Variants in LRRTM1 observed in about 807,000 individuals in gnomAD.
LRRTM1 encodes the protein leucine rich repeat transmembrane neuronal 1, also known as leucine-rich repeat transmembrane neuronal protein 1.
LRRTM1 carries 8 observed loss-of-function variants against 37.3 expected under a neutral mutation model. The observed-to-expected ratio is 0.21, with a 90% CI of 0.13 to 0.39. The LOEUF (loss-of-function observed/expected upper bound fraction) is 0.39, where lower values mean the gene tolerates loss of function less well. Ranked by LOEUF, LRRTM1 falls within the 10% of genes least tolerant of loss-of-function variation. LRRTM1 has a pLI of 1.00. For synonymous variants in LRRTM1, 326 were observed against 316.8 expected, an observed-to-expected ratio of 1.03 and a Z score of -0.31; for missense variants, 557 against 691.0, an observed-to-expected ratio of 0.81 and a Z score of 2.17.
Position 80,303,897 on chromosome 2 carries a change from C to A in LRRTM1, c.-59-19G>T. The A allele has an allele frequency of 1.4e-6, 2 of 1,410,810 alleles. No individual in the cohort carries two copies. Among genetic ancestry groups the A allele is most frequent in the South Asian group, 2.0e-5 (1 of 50,050 alleles). 87.4% of individuals were successfully genotyped at this position (1,410,810 alleles called of 1,614,324 possible). A position where few individuals can be genotyped will look rare whatever the true frequency, so the allele number is the denominator to read the frequency against. ...CAGAAATCTACATCATATTTTATTCCGAGGGAGGGGAAGCGGGGGAGGGGG... is the reference window on the plus strand; with the variant it reads ...CAGAAATCTACATCATATTTTATTCAGAGGGAGGGGAAGCGGGGGAGGGGG... On this transcript the variant is annotated intron_variant, in intron 1 of 1. Transcript: ENST00000295057. This position sits in a 1 kb window ranked among gnomAD's most constrained non-coding sequence, Gnocchi z 7.7.
At position 80,290,408 on chromosome 2, in the gene LRRTM1, G is replaced by A. The variant is rs993441643; in HGVS notation, c.*307-1213C>T. Among the ~76,000 whole-genome samples the A allele has an allele frequency of 3.9e-5, 6 of 152,016 alleles. No homozygotes were observed. In the Middle Eastern group the frequency reaches 0.01, roughly 259 times the overall value. On this transcript the variant is annotated intron_variant and NMD_transcript_variant, in intron 2 of 2. Transcript: ENST00000417012. ...TCTCATTTCTTCCCCAGTGATTACCGTGGGTAAGAAAAAAAACAGCAGAAA... is the reference window on the plus strand; with the variant it reads ...TCTCATTTCTTCCCCAGTGATTACCATGGGTAAGAAAAAAAACAGCAGAAA...
chr2:80,298,064 T>C (rs987234641), downstream of LRRTM1: 12 of 146,412 alleles, frequency 8.2e-5, no homozygotes, highest in African/African-American at 2.5e-4. Flanking sequence ...CACACACACA[T>C]GTGTGCATAT....
chr2:80,302,169 A>G lies in LRRTM1; in HGVS notation c.*82T>C, dbSNP rs1362665485. 3 of 1,523,478 alleles carry G rather than the reference A, an allele frequency of 2.0e-6. No individual in the cohort carries two copies. Among genetic ancestry groups the G allele is most frequent in the Non-Finnish European group, 1.8e-6 (2 of 1,132,368 alleles). 94.4% of individuals were successfully genotyped at this position (1,523,478 alleles called of 1,614,324 possible). ...GGAGCATATCAGAGCACAGACAAGG[A>G]GACCCCAGCCTGGTGCCCGCCGGCC... On this transcript the variant is annotated 3_prime_UTR_variant, in exon 2 of 2. Coordinates refer to ENST00000295057, the MANE Select transcript of LRRTM1 (RefSeq NM_178839.5). The surrounding 1 kb of genome is among the most constrained non-coding windows in gnomAD (Gnocchi z 6.4).
chr2:80,297,149 G>A (rs931611984), downstream of LRRTM1, among the ~76,000 whole-genome samples: 2 of 152,186 alleles, frequency 1.3e-5, no homozygotes, highest in African/African-American at 4.8e-5. Flanking sequence ...AGAATTCCTG[G>A]ATTTCACCAC....
downstream of LRRTM1, chr2:80,299,651 A>G (rs1421426641): frequency 2.6e-5 from 4 of 152,364 alleles, no homozygotes; most frequent in East Asian, 1.9e-4. Context: ...GGAGTAGCAT[A>G]AAACAAAGCA....
At chr2:80,295,649 T>G (rs551444065) in intron 2 of LRRTM1, among the ~76,000 whole-genome samples, 5 of 152,346 alleles carry the variant, frequency 3.3e-5, no homozygotes, top group African/African-American at 9.6e-5. Flanking sequence ...AGGGAATACC[T>G]AGAAGAATCC....
chr2:80,294,238 T>C lies in LRRTM1; in HGVS notation c.*307-5043A>G, dbSNP rs372695095. Among the ~76,000 whole-genome samples the C allele has an allele frequency of 5.8e-4, 88 of 152,350 alleles. 3 individuals are homozygous for C. The highest frequency in any genetic ancestry group is 2.0e-3 in the African/African-American group (84 of 41,572). On this transcript the variant is annotated intron_variant and NMD_transcript_variant, in intron 2 of 2. Coordinates refer to the LRRTM1 transcript ENST00000417012. ...TTGCCTTAAAAATGGGACAAGTTTA[T>C]GTCTGCCTTGTGAAATTATTGGGAG...
chr2:80,303,551 T>C lies in LRRTM1; in HGVS notation c.269A>G (p.Gln90Arg). The change falls in exon 2 of 2, where the codon CAG becomes CGG. Residue 90 changes from glutamine (Q) to arginine (R), a missense_variant. By Grantham distance (43) the Gln-to-Arg change is conservative (BLOSUM62 1). Transcript: ENST00000295057. This position sits in a 1 kb window ranked among gnomAD's most constrained non-coding sequence, Gnocchi z 7.7. ...GTGATCCAGATAGAGCCACGTGAGC[T>C]GCATTAACCCCGTGAACTGGCCGGC... Reference protein sequence around the residue: ...LRAGQFTGLMQLTWLYLDHNH... With the variant: ...LRAGQFTGLMRLTWLYLDHNH... 1 of 1,614,230 alleles carries C rather than the reference T, an allele frequency of 6.2e-7. No homozygotes were observed. Among genetic ancestry groups the C allele is most frequent in the Admixed American group, 1.7e-5 (1 of 60,032 alleles).
chr2:80,303,957 A>C lies in LRRTM1; in HGVS notation c.-59-79T>G. 1 of 1,027,972 alleles carries C rather than the reference A, an allele frequency of 9.7e-7. No individual in the cohort carries two copies. The highest frequency in any genetic ancestry group is 1.3e-6 in the Non-Finnish European group (1 of 746,956). 63.7% of individuals were successfully genotyped at this position (1,027,972 alleles called of 1,614,324 possible). A position where few individuals can be genotyped will look rare whatever the true frequency, so the allele number is the denominator to read the frequency against. Reference sequence around the variant, plus strand: ...CAAAAAATCAAATAAATACATAGAAATAAAGAAGGACCCCCCTCCCCAAAA... The same window carrying C: ...CAAAAAATCAAATAAATACATAGAACTAAAGAAGGACCCCCCTCCCCAAAA... On this transcript the variant is annotated intron_variant, in intron 1 of 1. Transcript: ENST00000295057. The surrounding 1 kb of genome is among the most constrained non-coding windows in gnomAD (Gnocchi z 7.7).
chr2:80,292,610 A>G lies in LRRTM1; in HGVS notation c.*307-3415T>C, dbSNP rs138822401. 2.7e-4 allele frequency among the ~76,000 whole-genome samples: 41 copies of G among 152,290 alleles called. No individual in the cohort carries two copies. In the East Asian group the frequency reaches 6.8e-3, roughly 25 times the overall value. ...GGAGGTCATGTTTCATAAATGGATC[A>G]AGAAGAAGTGGAGGCCTCTTCTGCA... On this transcript the variant is annotated intron_variant and NMD_transcript_variant, in intron 2 of 2. Coordinates refer to the LRRTM1 transcript ENST00000417012.
chr2:80,300,758 A>G (rs1676207982), downstream of LRRTM1, among the ~76,000 whole-genome samples: 2 of 152,232 alleles, frequency 1.3e-5, no homozygotes, highest in South Asian at 4.2e-4. Context: ...TCAATCATAC[A>G]TTTGCTTAAA....
chr2:80,295,656 A>G (rs1157991561), intron 2 of LRRTM1, among the ~76,000 whole-genome samples: 1 of 152,224 alleles, frequency 6.6e-6, no homozygotes, highest in Non-Finnish European at 1.5e-5. Flanking sequence ...ACCTAGAAGA[A>G]TCCTTCTAAA....
chr2:80,290,394 C>T (rs973478811), intron 2 of LRRTM1, among the ~76,000 whole-genome samples: 6 of 152,030 alleles, frequency 3.9e-5, no homozygotes, highest in Non-Finnish European at 8.8e-5. Flanking sequence ...CTCATTTCTT[C>T]CCCAGTGATT....
chr2:80,302,376 C>A lies in LRRTM1; in HGVS notation c.1444G>T (p.Ala482Ser). The change falls in exon 2 of 2, where the codon GCC becomes TCC. Residue 482 changes from alanine (A) to serine (S), a missense_variant. Ala to Ser is a moderately conservative substitution (Grantham distance 99, BLOSUM62 1). Around this residue, in one of 5 missense-constraint regions of LRRTM1, gnomAD observed 90 missense variants for 149.4 expected, o/e 0.60. Transcript: ENST00000295057. This position sits in a 1 kb window ranked among gnomAD's most constrained non-coding sequence, Gnocchi z 6.4. The part of the protein sequence containing the change: ...KQKQTMHQMA[A>S]MSAQEYYVDY... ...ACGTAGTATTCCTGGGCAGACATGG[C>A]AGCCATCTGATGCATGGTCTGTTTC... 4 of 1,614,248 alleles carry A rather than the reference C, an allele frequency of 2.5e-6. No homozygotes were observed. Among genetic ancestry groups the A allele is most frequent in the African/African-American group, 1.3e-5 (1 of 75,068 alleles).
At chr2:80,291,952 G>T (rs1190019750) in intron 2 of LRRTM1, among the ~76,000 whole-genome samples, 2 of 152,204 alleles carry the variant, frequency 1.3e-5, no homozygotes, top group Non-Finnish European at 2.9e-5. Flanking sequence ...CAGTTAGAAA[G>T]CTGGGAAGGA....
At chr2:80,304,037 G>A in intron 1 of LRRTM1, 115 bp downstream of exon 1, 1 of 464,074 alleles carries the variant, frequency 2.2e-6, no homozygotes, top group South Asian at 8.2e-5. Context: ...AAAGTTCACA[G>A]CCACGGAAAG....
intron 2 of LRRTM1, among the ~76,000 whole-genome samples, chr2:80,290,694 CA>C (rs1195928697): frequency 6.6e-6 from 1 of 152,154 alleles, no homozygotes; most frequent in Non-Finnish European, 1.5e-5. Context: ...TGGTTTACCC[CA>C]AAAATTAGTA....
chr2:80,300,770 T>G (rs141621477), downstream of LRRTM1, among the ~76,000 whole-genome samples: 22 of 152,230 alleles, frequency 1.4e-4, no homozygotes, highest in African/African-American at 5.1e-4. Flanking sequence ...TTGCTTAAAT[T>G]GTCATCTGAT....
chr2:80,292,138 T>G (rs932808418), intron 2 of LRRTM1, among the ~76,000 whole-genome samples: 3 of 152,196 alleles, frequency 2.0e-5, no homozygotes, highest in Admixed American at 1.3e-4. Flanking sequence ...CCTTCCTGGC[T>G]ATGTGACCTT....
Sources: gnomAD v4.1 joint callset for allele counts (sites outside exome capture counted in the v4.1 genomes callset) on GRCh38, gnomAD v4.1.1 for gene constraint, gnomAD v4.1.1 regional missense constraint, Gnocchi (gnomAD v3.1) non-coding constraint, MANE v1.5 for transcripts, NCBI Gene and HGNC (gene_info 2026-07-23, HGNC 2026-07-21) for gene names.